The following TNPO2 variants were observed in gnomAD, a reference collection of about 807,000 sequenced individuals.
TNPO2 encodes transportin-2.
TNPO2 carries 16 observed loss-of-function variants against 111.1 expected under a neutral mutation model. The observed-to-expected ratio is 0.14, with a 90% CI of 0.10 to 0.22. The LOEUF (loss-of-function observed/expected upper bound fraction) is 0.22. Among genes scored for constraint, TNPO2 ranks in the 10% least tolerant of loss-of-function variants. TNPO2 has a pLI of 1.00. For missense variants in TNPO2, 530 were observed against 1,173.7 expected (o/e 0.45, Z 8.01); for synonymous variants, 481 against 475.8 (o/e 1.01, Z -0.14).
chr19:12,711,174 G>GT, intron 12 of TNPO2, 122 bp downstream of exon 12: 2 of 1,346,662 alleles, frequency 1.5e-6, no homozygotes, highest in Non-Finnish European at 2.0e-6. Flanking sequence ...GATTACAGGC[G>GT]TAAGCCACTG....
Position 12,711,339 on chromosome 19 carries a change from C to T in TNPO2, c.1074G>A (p.Ala358=), listed in dbSNP as rs779496082. Residue 358 remains alanine, a synonymous_variant, in exon 12 of 26, where the codon GCG becomes GCA. Coordinates refer to ENST00000425528, the MANE Select transcript of TNPO2 (RefSeq NM_001382241.1). ...EAERPDGSED[A]EDDDDDDALS... The stretch of plus-strand genomic sequence containing the variant: ...GAGCATCATCATCATCGTCATCCTC[C>T]GCGTCCTCGGAGCCATCAGGCCGCT... 6.2e-6 allele frequency: 10 copies of T among 1,614,006 alleles called. No homozygotes were observed. The highest frequency in any genetic ancestry group is 2.2e-5 in the South Asian group (2 of 91,082).
intron 13 of TNPO2, among the ~76,000 whole-genome samples, chr19:12,710,194 G>C (rs74930647): frequency 1.3e-5 from 2 of 152,118 alleles, no homozygotes; most frequent in African/African-American, 4.8e-5. Flanking sequence ...ACAGGTTTAA[G>C]GCCCAGACAC....
Position 12,720,932 on chromosome 19 carries a change from G to C in TNPO2, c.46C>G (p.Leu16Val). ...TTGGGCGACTGTGAGTCTTTGAGCA[G>C]CTGCAGGACCTGCTGCAGGCCCTGC... The part of the protein sequence containing the change: ...DEQGLQQVLQ[L>V]LKDSQSPNTA... The change falls in exon 3 of 26, where the codon CTG (leucine) becomes GTG (valine). Residue 16 changes from leucine (L) to valine (V), a missense_variant. Around this residue, in one of 4 missense-constraint regions of TNPO2, gnomAD observed 156 missense variants for 405.8 expected, o/e 0.38. Transcript: ENST00000425528. 1 of 1,603,696 alleles carries C rather than the reference G, an allele frequency of 6.2e-7. No individual in the cohort carries two copies. Among genetic ancestry groups the C allele is most frequent in the Non-Finnish European group, 8.5e-7 (1 of 1,176,226 alleles).
rs1162503246 is a variant in TNPO2, at chr19:12,715,022, C to G, written c.771+25G>C. 5 of 1,572,162 alleles carry G rather than the reference C, an allele frequency of 3.2e-6. No individual in the cohort carries two copies. Among genetic ancestry groups the G allele is most frequent in the Non-Finnish European group, 3.4e-6 (4 of 1,160,532 alleles). ...TGCCACCGGCCCCCTGCCTGCCCGCCTGGGCTGGCCTTGACCATGCACACC... is the reference window on the plus strand; with the variant it reads ...TGCCACCGGCCCCCTGCCTGCCCGCGTGGGCTGGCCTTGACCATGCACACC... On this transcript the variant is annotated intron_variant, in intron 9 of 25. Coordinates refer to ENST00000425528, the MANE Select transcript of TNPO2 (RefSeq NM_001382241.1). The surrounding 1 kb of genome is among the most constrained non-coding windows in gnomAD (Gnocchi z 7.1).
rs1202735057 is a variant in TNPO2 at position 12,721,546 on chromosome 19, G to A, written c.-13-556C>T. ...TTCCCCAGATGCGCCCTCCCAAGAC[G>A]ATCGTCCTGATCTCTCCTGTCCCCT... On this transcript the variant is annotated intron_variant, in intron 2 of 25. Transcript: ENST00000425528. The surrounding 1 kb of genome is among the most constrained non-coding windows in gnomAD (Gnocchi z 4.9). The A allele has an allele frequency of 5.8e-6, 2 of 343,228 alleles. No homozygotes were observed. The highest frequency in any genetic ancestry group is 1.1e-5 in the Non-Finnish European group (2 of 177,138). 21.3% of individuals were successfully genotyped at this position (343,228 alleles called of 1,614,324 possible).
At chr19:12,713,355 TG>T (rs2026171105) in intron 10 of TNPO2, among the ~76,000 whole-genome samples, 1 of 151,990 alleles carries the variant, frequency 6.6e-6, no homozygotes. Flanking sequence ...ATCAATAATT[TG>T]GGGCCGGGCA....
In TNPO2 at chr19:12,701,945, C is replaced by T. The variant is rs1378935611; in HGVS notation, c.2412-94G>A. ...TGGGGATCAGTGAGTGGGCCTGGGA[C>T]ATGCATCTGTGGGGGTGGGGCAGGG... is the stretch of plus-strand genomic sequence containing the variant. On this transcript the variant is annotated intron_variant, in intron 22 of 25. Transcript: ENST00000425528. This position sits in a 1 kb window ranked among gnomAD's most constrained non-coding sequence, Gnocchi z 5.0. 7.2e-7 allele frequency: 1 copy of T among 1,394,068 alleles called. No individual in the cohort carries two copies. The highest frequency in any genetic ancestry group is 1.0e-6 in the Non-Finnish European group (1 of 982,388). 86.4% of individuals were successfully genotyped at this position (1,394,068 alleles called of 1,614,324 possible). A position where few individuals can be genotyped will look rare whatever the true frequency, so the allele number is the denominator to read the frequency against.
In TNPO2 at chr19:12,701,862, G is replaced by T. The variant is rs2025327125; in HGVS notation, c.2412-11C>A. 2 of 1,609,744 alleles carry T rather than the reference G, an allele frequency of 1.2e-6. No homozygotes were observed. Among genetic ancestry groups the T allele is most frequent in the Admixed American group, 3.3e-5 (2 of 60,018 alleles). On this transcript the variant is annotated splice_polypyrimidine_tract_variant and intron_variant, in intron 22 of 25. Coordinates refer to ENST00000425528, the MANE Select transcript of TNPO2 (RefSeq NM_001382241.1). The surrounding 1 kb of genome is among the most constrained non-coding windows in gnomAD (Gnocchi z 5.0). Reference sequence around the variant, plus strand: ...CTGAGGGACGTGCACCTGTGGGAAGGTGAGCAGCTGGAGGTCAGAGGGCAG... The same window carrying T: ...CTGAGGGACGTGCACCTGTGGGAAGTTGAGCAGCTGGAGGTCAGAGGGCAG...
intron 13 of TNPO2, among the ~76,000 whole-genome samples, chr19:12,707,881 C>T (rs1295634285): frequency 6.6e-6 from 1 of 151,696 alleles, no homozygotes; most frequent in Non-Finnish European, 1.5e-5. Flanking sequence ...AGTACAGTTG[C>T]ACAATCTTGG....
In TNPO2 at chr19:12,706,114, C is replaced by T. The variant is rs1315886157; in HGVS notation, c.1668+82G>A. On this transcript the variant is annotated intron_variant, in intron 15 of 25. Transcript: ENST00000425528. The surrounding 1 kb of genome is among the most constrained non-coding windows in gnomAD (Gnocchi z 7.0). ...GTCGAGGTCACGGCCACGTCCCTGG[C>T]GTGCAACACGGGGTTGCCACCAGGT... is the stretch of plus-strand genomic sequence containing the variant. 2.0e-6 allele frequency: 3 copies of T among 1,490,114 alleles called. No homozygotes were observed. The highest frequency in any genetic ancestry group is 2.7e-5 in the African/African-American group (2 of 72,770). 92.3% of individuals were successfully genotyped at this position (1,490,114 alleles called of 1,614,324 possible).
rs568805777 is a variant in TNPO2 at position 12,719,799 on chromosome 19, GA to G, written c.100-464del. 8.3e-4 allele frequency among the ~76,000 whole-genome samples: 117 copies of G among 141,414 alleles called. No individual in the cohort carries two copies. The highest frequency in any genetic ancestry group is 1.4e-3 in the South Asian group (6 of 4,422). 92.8% of individuals were successfully genotyped at this position (141,414 alleles called of 152,430 possible). On this transcript the variant is annotated intron_variant, in intron 3 of 25. Coordinates refer to ENST00000425528, the MANE Select transcript of TNPO2 (RefSeq NM_001382241.1). The surrounding 1 kb of genome is among the most constrained non-coding windows in gnomAD (Gnocchi z 5.0). ...GGGCGACAGAGCAAGACTCCATCTT[GA>G]AAAAAAAAAAAATCATACAAGGAGT...
In TNPO2 at chr19:12,721,655, C is replaced by T. The variant is rs964789442; in HGVS notation, c.-13-665G>A. ...TCTAAGGATTCCCCTTAATCAGGCC[C>T]AAAGCAGTCCCCAGGTAGGTCTCTG... On this transcript the variant is annotated intron_variant, in intron 2 of 25. Transcript: ENST00000425528. This position sits in a 1 kb window ranked among gnomAD's most constrained non-coding sequence, Gnocchi z 4.9. 4.0e-6 allele frequency: 1 copy of T among 249,564 alleles called. No homozygotes were observed. Among genetic ancestry groups the T allele is most frequent in the African/African-American group, 2.4e-5 (1 of 42,054 alleles). 15.5% of individuals were successfully genotyped at this position (249,564 alleles called of 1,614,324 possible).
rs1216625249 is a variant in TNPO2 at position 12,702,513 on chromosome 19, C to T, written c.2305+310G>A. On this transcript the variant is annotated intron_variant, in intron 21 of 25. Transcript: ENST00000425528. The surrounding 1 kb of genome is among the most constrained non-coding windows in gnomAD (Gnocchi z 5.5). ...TCCCGAGTAGCTGGGATTGCAGGCACGTGCCATTACCCCCGGCTAATTTTT... is the reference window on the plus strand; with the variant it reads ...TCCCGAGTAGCTGGGATTGCAGGCATGTGCCATTACCCCCGGCTAATTTTT... 9.5e-6 allele frequency: 5 copies of T among 527,244 alleles called. No homozygotes were observed. Among genetic ancestry groups the T allele is most frequent in the African/African-American group, 3.9e-5 (2 of 51,812 alleles). The allele number at this position is 527,244 out of a possible 1,614,324, so 32.7% of individuals were successfully genotyped here. A position where few individuals can be genotyped will look rare whatever the true frequency, so the allele number is the denominator to read the frequency against.
chr19:12,723,739 TGAA>T (rs1456058192), intron 1 of TNPO2, 27 bp downstream of exon 1: 9 of 152,264 alleles, frequency 5.9e-5, no homozygotes, highest in Non-Finnish European at 1.0e-4. Flanking sequence ...TGCCCCTGCC[TGAA>T]GGAGGGGAAC....
In TNPO2 at chr19:12,715,747, G is replaced by C. The variant is rs375255814; in HGVS notation, c.326-8C>G. ...TGGTGGTGATGAGAATGCCTGGGGC[G>C]GCCGGGAAAGGACGCTGCCTGAGGC... On this transcript the variant is annotated splice_polypyrimidine_tract_variant and splice_region_variant and intron_variant, in intron 5 of 25. Coordinates refer to ENST00000425528, the MANE Select transcript of TNPO2 (RefSeq NM_001382241.1). The surrounding 1 kb of genome is among the most constrained non-coding windows in gnomAD (Gnocchi z 7.1). The C allele has an allele frequency of 2.9e-5, 47 of 1,601,324 alleles. No homozygotes were observed. Among genetic ancestry groups the C allele is most frequent in the Non-Finnish European group, 4.0e-5 (47 of 1,174,828 alleles).
rs1389231551 is a variant in TNPO2 at position 12,721,696 on chromosome 19, A to C, written c.-13-706T>G. 8 of 215,404 alleles carry C rather than the reference A, an allele frequency of 3.7e-5. No homozygotes were observed. The South Asian group carries it at 4.1e-4, about 11-fold the overall frequency. The allele number at this position is 215,404 out of a possible 1,614,324, so 13.3% of individuals were successfully genotyped here. The stretch of plus-strand genomic sequence containing the variant: ...TAGGTCTCTGCTGCCTCTTCGAATG[A>C]GAGCCAGCCAAGCCCGGCCAACCCA... On this transcript the variant is annotated intron_variant, in intron 2 of 25. Transcript: ENST00000425528. The surrounding 1 kb of genome is among the most constrained non-coding windows in gnomAD (Gnocchi z 4.9).
Position 12,700,868 on chromosome 19 carries a change from G to A in TNPO2, c.*396C>T, listed in dbSNP as rs2025252527. Reference sequence around the variant, plus strand: ...TGTGGCCATGTGTGTCCGTGTGAGTGTACGCGTCCCTACGAGGGCCCCCCT... The same window carrying A: ...TGTGGCCATGTGTGTCCGTGTGAGTATACGCGTCCCTACGAGGGCCCCCCT... On this transcript the variant is annotated 3_prime_UTR_variant, in exon 26 of 26. Transcript: ENST00000425528. 3 of 170,902 alleles carry A rather than the reference G, an allele frequency of 1.8e-5. No homozygotes were observed. The South Asian group carries it at 4.4e-4, about 25-fold the overall frequency. 10.6% of individuals were successfully genotyped at this position (170,902 alleles called of 1,614,324 possible). A position where few individuals can be genotyped will look rare whatever the true frequency, so the allele number is the denominator to read the frequency against.
Position 12,705,134 on chromosome 19 carries a change from G to T in TNPO2, c.2022+106C>A. ...ATTACTCTTTAAAATAATTAGAACA[G>T]CACCTTTTCCCTGATTTCCTTTGGG... On this transcript the variant is annotated intron_variant, in intron 18 of 25. Coordinates refer to ENST00000425528, the MANE Select transcript of TNPO2 (RefSeq NM_001382241.1). This position sits in a 1 kb window ranked among gnomAD's most constrained non-coding sequence, Gnocchi z 7.2. 2 of 1,180,370 alleles carry T rather than the reference G, an allele frequency of 1.7e-6. No homozygotes were observed. Among genetic ancestry groups the T allele is most frequent in the Admixed American group, 2.2e-5 (1 of 44,482 alleles). 73.1% of individuals were successfully genotyped at this position (1,180,370 alleles called of 1,614,324 possible).
At position 12,719,241 on chromosome 19, in the gene TNPO2, G is replaced by C; in HGVS notation, c.175+20C>G. The C allele has an allele frequency of 6.2e-7, 1 of 1,613,948 alleles. No homozygotes were observed. Among genetic ancestry groups the C allele is most frequent in the Non-Finnish European group, 8.5e-7 (1 of 1,179,864 alleles). On this transcript the variant is annotated intron_variant, in intron 4 of 25. Transcript: ENST00000425528. The surrounding 1 kb of genome is among the most constrained non-coding windows in gnomAD (Gnocchi z 5.0). ...GAGAAAGCAGGGTCCCGATCGCATG[G>C]AAGGGAGCAGAGGGCGTACCTTCTG...
Sources: allele counts gnomAD v4.1 joint callset (sites outside exome capture counted in the v4.1 genomes callset), GRCh38; gene constraint gnomAD v4.1.1; regional missense constraint gnomAD v4.1.1; non-coding constraint Gnocchi (gnomAD v3.1); transcripts MANE v1.5; gene names NCBI Gene and HGNC (gene_info 2026-07-23, HGNC 2026-07-21).